Variants in CXADR observed in about 807,000 individuals in gnomAD.
The protein encoded by CXADR is CXADR cell adhesion molecule, also known as coxsackievirus and adenovirus receptor.
CXADR carries 20 observed loss-of-function variants against 40.3 expected under a neutral mutation model. That is an observed-to-expected ratio of 0.50 (90% CI 0.35 to 0.72). The LOEUF (loss-of-function observed/expected upper bound fraction) is 0.72. Among genes scored for constraint, CXADR ranks in the 30% least tolerant of loss-of-function variants. CXADR has a pLI of 0.01. For synonymous variants in CXADR, 150 were observed against 161.3 expected (o/e 0.93, Z 0.53); for missense variants, 332 against 449.1 (o/e 0.74, Z 2.36).
intron 1 of CXADR, among the ~76,000 whole-genome samples, chr21:17,516,974 A>G (rs896162401): frequency 7.2e-5 from 11 of 152,194 alleles, no homozygotes; most frequent in African/African-American, 2.7e-4. Flanking sequence ...AAAAATACCA[A>G]ATTTATAAAA....
intron 1 of CXADR, among the ~76,000 whole-genome samples, chr21:17,515,731 G>T (rs563056355): frequency 7.2e-5 from 11 of 152,234 alleles, no homozygotes; most frequent in African/African-American, 2.4e-4. Flanking sequence ...GCGTGAACCC[G>T]GGAGGCGTAG....
chr21:17,633,769 A>C, the CXADR span, among the ~76,000 whole-genome samples: 1 of 152,092 alleles, frequency 6.6e-6, no homozygotes, highest in African/African-American at 2.4e-5. Flanking sequence ...GAGCCAATTC[A>C]TCTCCCCTAA....
intron 1 of CXADR, among the ~76,000 whole-genome samples, chr21:17,530,865 A>G (rs1042236738): frequency 5.3e-5 from 8 of 152,226 alleles, no homozygotes; most frequent in African/African-American, 1.9e-4. Context: ...ATGTGTTTTC[A>G]TGCATATGCA....
At chr21:17,535,291 T>C (rs529900798) in intron 1 of CXADR, among the ~76,000 whole-genome samples, 1 of 152,116 alleles carries the variant, frequency 6.6e-6, no homozygotes, top group Non-Finnish European at 1.5e-5. Flanking sequence ...CACACCTGGC[T>C]CATGTTTTGA....
At position 17,569,093 on chromosome 21, in the gene CXADR, T is replaced by C. The variant is rs1289418814; in HGVS notation, c.*3401T>C. 1 of 985,334 alleles carries C rather than the reference T, an allele frequency of 1.0e-6. No individual in the cohort carries two copies. The highest frequency in any genetic ancestry group is 1.2e-6 in the Non-Finnish European group (1 of 829,940). 61.0% of individuals were successfully genotyped at this position (985,334 alleles called of 1,614,324 possible). A position where few individuals can be genotyped will look rare whatever the true frequency, so the allele number is the denominator to read the frequency against. On this transcript the variant is annotated 3_prime_UTR_variant, in exon 7 of 7. Coordinates refer to ENST00000284878, the MANE Select transcript of CXADR (RefSeq NM_001338.5). ...TATAAAAGGAACTCATTGCATGAAG[T>C]TGACTATCAAATTCTGTGATGTGTG...
chr21:17,594,350 C>A, downstream of CXADR: 2 of 1,598,860 alleles, frequency 1.3e-6, no homozygotes, highest in East Asian at 2.2e-5. Context: ...GAAGAGAACA[C>A]ATTAAGTTAA....
At chr21:17,572,905 G>A (rs1312830999), downstream of CXADR, among the ~76,000 whole-genome samples, 2 of 152,136 alleles carry the variant, frequency 1.3e-5, no homozygotes, top group East Asian at 3.9e-4. Flanking sequence ...AGAGTATTCC[G>A]TCAAAGTCTT....
intron 7 of CXADR, among the ~76,000 whole-genome samples, chr21:17,592,182 T>TC (rs757788513): frequency 3.3e-4 from 50 of 151,898 alleles, no homozygotes; most frequent in Non-Finnish European, 6.5e-4. Context: ...AAATAACACT[T>TC]CCTTCTTTAC....
chr21:17,533,297 C>T (rs1366110336), intron 1 of CXADR, among the ~76,000 whole-genome samples: 19 of 152,140 alleles, frequency 1.2e-4, no homozygotes, highest in Admixed American at 1.2e-3. Context: ...AACCCCTGAA[C>T]CATGTGCCAC....
exon 8 of CXADR, chr21:17,593,377 G>A: frequency 2.2e-6 from 1 of 462,702 alleles, no homozygotes; most frequent in Non-Finnish European, 3.5e-6. Flanking sequence ...ATTAGTACGA[G>A]CCAAATTCTT....
At chr21:17,527,682 C>A (rs1271319608) in intron 1 of CXADR, among the ~76,000 whole-genome samples, 3 of 152,180 alleles carry the variant, frequency 2.0e-5, no homozygotes, top group Non-Finnish European at 4.4e-5. Flanking sequence ...TCCTTCCATG[C>A]CTTAACTGGC....
chr21:17,559,640 A>T (rs2061082522), intron 4 of CXADR, among the ~76,000 whole-genome samples: 1 of 146,818 alleles, frequency 6.8e-6, no homozygotes, highest in African/African-American at 2.6e-5. Flanking sequence ...TTTTTTTAGG[A>T]TATTAGTTAC....
At chr21:17,519,419 A>T (rs764276601) in intron 1 of CXADR, among the ~76,000 whole-genome samples, 3 of 152,216 alleles carry the variant, frequency 2.0e-5, no homozygotes, top group Non-Finnish European at 4.4e-5. Flanking sequence ...CCTTACAGTG[A>T]TTATTCCACT....
At chr21:17,571,406 A>G (rs2061276461), downstream of CXADR, among the ~76,000 whole-genome samples, 1 of 152,254 alleles carries the variant, frequency 6.6e-6, no homozygotes, top group Non-Finnish European at 1.5e-5. Context: ...CAATATGCCA[A>G]GTGGAACTGA....
At chr21:17,540,288 G>C (rs1219831025) in intron 1 of CXADR, among the ~76,000 whole-genome samples, 2 of 151,794 alleles carry the variant, frequency 1.3e-5, no homozygotes, top group Non-Finnish European at 2.9e-5. Flanking sequence ...ATTTTGGGGG[G>C]GACATGATTT....
chr21:17,560,576 G>A, intron 4 of CXADR, 126 bp from the exon 5 acceptor site: 1 of 832,832 alleles, frequency 1.2e-6, no homozygotes, highest in Non-Finnish European at 1.8e-6. Context: ...CAGTTTGCTT[G>A]CATCCAGCCT....
At chr21:17,518,647 G>A in intron 1 of CXADR, 1 of 1,605,502 alleles carries the variant, frequency 6.2e-7, no homozygotes. Context: ...GAACTGTTCA[G>A]CTAACTTCCT....
At position 17,579,101 on chromosome 21, in the gene CXADR, A is replaced by G. The variant is rs532235921; in HGVS notation, c.1017+13490A>G. Among the ~76,000 whole-genome samples, 8 of 152,262 alleles carry G rather than the reference A, an allele frequency of 5.3e-5. No homozygotes were observed. In the South Asian group the frequency reaches 1.7e-3, roughly 32 times the overall value. The stretch of plus-strand genomic sequence containing the variant: ...AGTAACTAGAAGCAGGGCAAAGGTT[A>G]GTTTAAGATAGGAGAGATGCAAGCA... On this transcript the variant is annotated intron_variant, in intron 7 of 7. Coordinates refer to the CXADR transcript ENST00000400169.
rs148085669 is a variant in CXADR, at chr21:17,522,347, C to T, written c.43+9175C>T. On this transcript the variant is annotated intron_variant, in intron 1 of 6. Transcript: ENST00000284878. ...ATTTTTAGTAGAGCGGGGGTTTCTCCATGTTAGTCAGGCTGGTTGTGAACT... is the reference window on the plus strand; with the variant it reads ...ATTTTTAGTAGAGCGGGGGTTTCTCTATGTTAGTCAGGCTGGTTGTGAACT... Among the ~76,000 whole-genome samples, 133 of 152,136 alleles carry T rather than the reference C, an allele frequency of 8.7e-4. 1 individual carries two copies. The highest frequency in any genetic ancestry group is 3.1e-3 in the African/African-American group (127 of 41,518).
Sources: gnomAD v4.1 joint callset for allele counts (sites outside exome capture counted in the v4.1 genomes callset) on GRCh38, gnomAD v4.1.1 for gene constraint, MANE v1.5 for transcripts, NCBI Gene and HGNC (gene_info 2026-07-23, HGNC 2026-07-21) for gene names.